TTYH3: variants seen among roughly 807,000 people sequenced by gnomAD.
TTYH3 encodes tweety family member 3.
Under a neutral mutation model 68.2 loss-of-function variants are expected in TTYH3, and 23 were observed. That is an observed-to-expected ratio of 0.34 (90% CI 0.24 to 0.48). The LOEUF (loss-of-function observed/expected upper bound fraction) is 0.48. TTYH3 is among the 20% of genes least tolerant of loss of function. The pLI is 0.99. For missense variants in TTYH3, 768 were observed against 727.7 expected (o/e 1.06, Z -0.64); for synonymous variants, 360 against 332.8 (o/e 1.08, Z -0.89).
chr7:2,635,470 A>G (rs1030994679), intron 1 of TTYH3, among the ~76,000 whole-genome samples: 3 of 152,158 alleles, frequency 2.0e-5, no homozygotes, highest in African/African-American at 7.2e-5. Context: ...CACTGACCTC[A>G]GCCTCTCTCT....
intron 7 of TTYH3, among the ~76,000 whole-genome samples, 195 bp downstream of exon 7, chr7:2,650,183 A>G (rs1786128241): frequency 6.6e-6 from 1 of 152,192 alleles, no homozygotes; most frequent in African/African-American, 2.4e-5. Flanking sequence ...AATGACAGGA[A>G]CTATGTGGGG....
intron 1 of TTYH3, among the ~76,000 whole-genome samples, chr7:2,643,897 C>G (rs1358457086): frequency 2.0e-5 from 3 of 152,292 alleles, no homozygotes; most frequent in East Asian, 3.9e-4. Context: ...AGTTTCCCTG[C>G]GAGGCTGTGA....
chr7:2,634,198 C>T (rs1785598356), intron 1 of TTYH3, among the ~76,000 whole-genome samples: 1 of 152,240 alleles, frequency 6.6e-6, no homozygotes, highest in Admixed American at 6.5e-5. Context: ...GGGGCTGTGG[C>T]GTGAGCTGGT....
chr7:2,642,307 C>T (rs35983550), intron 1 of TTYH3, among the ~76,000 whole-genome samples: 33,720 of 151,670 alleles, frequency 0.22, 3,867 homozygotes, highest in African/African-American at 0.26. Context: ...TTTGGGGGAC[C>T]GAGATGGCAG....
At chr7:2,647,325 C>G in intron 3 of TTYH3, 72 bp downstream of exon 3, 1 of 1,512,592 alleles carries the variant, frequency 6.6e-7, no homozygotes, top group Non-Finnish European at 8.8e-7. Context: ...CGAGGACGGG[C>G]GGGGCAGCCG....
intron 1 of TTYH3, chr7:2,646,019 C>CTTT: frequency 2.0e-5 from 6 of 293,940 alleles, no homozygotes; most frequent in Middle Eastern, 1.3e-3. Context: ...AGCAGCAGCA[C>CTTT]TTTTTTTTTT....
At chr7:2,660,639 C>A (rs879512648) in intron 13 of TTYH3, 2 of 864,824 alleles carry the variant, frequency 2.3e-6, no homozygotes, top group African/African-American at 3.7e-5. Context: ...CTCCTCCCCC[C>A]ACCCCCTCCG....
At chr7:2,658,624 G>T (rs898658906) in intron 12 of TTYH3, among the ~76,000 whole-genome samples, 165 bp downstream of exon 12, 5 of 152,224 alleles carry the variant, frequency 3.3e-5, no homozygotes, top group African/African-American at 1.2e-4. Context: ...CACGGTCCAG[G>T]GGCCATGGAG....
At chr7:2,648,149 A>G in intron 5 of TTYH3, 95 bp downstream of exon 5, 1 of 1,219,926 alleles carries the variant, frequency 8.2e-7, no homozygotes, top group South Asian at 1.4e-5. Context: ...TGCAGATCCT[A>G]GCCACAAGCT....
At chr7:2,639,927 C>T (rs1276105025) in intron 1 of TTYH3, among the ~76,000 whole-genome samples, 1 of 152,194 alleles carries the variant, frequency 6.6e-6, no homozygotes, top group Non-Finnish European at 1.5e-5. Flanking sequence ...CCCGTGGCTG[C>T]ACCCCTGGGG....
intron 1 of TTYH3, among the ~76,000 whole-genome samples, chr7:2,644,017 G>A (rs1463865808): frequency 6.6e-6 from 1 of 152,200 alleles, no homozygotes; most frequent in African/African-American, 2.4e-5. Context: ...GGAGGCCTCT[G>A]CAAGTGGAGA....
intron 1 of TTYH3, among the ~76,000 whole-genome samples, chr7:2,641,419 G>A (rs1264616716): frequency 6.6e-6 from 1 of 151,252 alleles, no homozygotes; most frequent in Non-Finnish European, 1.5e-5. Flanking sequence ...GCCCAGGGCC[G>A]AGACCAGGAG....
In TTYH3 at chr7:2,652,312, C is replaced by T. The variant is rs1330392520; in HGVS notation, c.927+70C>T. The T allele has an allele frequency of 1.6e-5, 22 of 1,417,204 alleles. No individual in the cohort carries two copies. In the Admixed American group the frequency reaches 3.9e-4, roughly 25 times the overall value. 87.8% of individuals were successfully genotyped at this position (1,417,204 alleles called of 1,614,324 possible). A position where few individuals can be genotyped will look rare whatever the true frequency, so the allele number is the denominator to read the frequency against. Reference sequence around the variant, plus strand: ...GCACATTGCTGTGTGTGGAGGGGCCCAGCAGGCCTGGCGCCTGGCTCCTCA... The same window carrying T: ...GCACATTGCTGTGTGTGGAGGGGCCTAGCAGGCCTGGCGCCTGGCTCCTCA... On this transcript the variant is annotated intron_variant, in intron 8 of 13. Transcript: ENST00000258796.
In TTYH3 at chr7:2,632,218, C is replaced by T. The variant is rs762933479; in HGVS notation, c.63C>T (p.Phe21=). ...GCCTCCTGCACCGGCTGCCCCACTT[C>T]GACCTGAGCTGGGAGGCCACTAGCA... ...WVSLLHRLPH[F]DLSWEATSSQ... Residue 21 remains phenylalanine, a synonymous_variant, in exon 1 of 14, where the codon TTC becomes TTT. Transcript: ENST00000258796. The T allele has an allele frequency of 1.3e-6, 2 of 1,577,960 alleles. No homozygotes were observed. Among genetic ancestry groups the T allele is most frequent in the East Asian group, 2.3e-5 (1 of 42,768 alleles).
rs1562716214 is a variant in TTYH3 at position 2,652,384 on chromosome 7, G to T, written c.927+142G>T. On this transcript the variant is annotated intron_variant, in intron 8 of 13. Transcript: ENST00000258796. The stretch of plus-strand genomic sequence containing the variant: ...GGGGAGGGAGCTGGACAAAGGCTGT[G>T]TGGATGTCACCAACAGCCCCTGGGG... The T allele has an allele frequency of 5.3e-6, 4 of 761,380 alleles. No individual in the cohort carries two copies. In the East Asian group the frequency reaches 8.1e-5, roughly 15 times the overall value. The allele number at this position is 761,380 out of a possible 1,614,324, so 47.2% of individuals were successfully genotyped here.
At chr7:2,646,110 G>C (rs1199083800) in intron 1 of TTYH3, among the ~76,000 whole-genome samples, 1 of 152,086 alleles carries the variant, frequency 6.6e-6, no homozygotes, top group Non-Finnish European at 1.5e-5. Flanking sequence ...CGCCACCCGG[G>C]TTCAAGTGAT....
intron 1 of TTYH3, among the ~76,000 whole-genome samples, chr7:2,639,564 G>C (rs1167930182): frequency 6.6e-6 from 1 of 152,238 alleles, no homozygotes; most frequent in African/African-American, 2.4e-5. Flanking sequence ...AGCGCAAGCT[G>C]CTGCTAAGAT....
intron 1 of TTYH3, among the ~76,000 whole-genome samples, chr7:2,638,293 G>A (rs760651540): frequency 4.6e-5 from 7 of 152,142 alleles, no homozygotes; most frequent in Non-Finnish European, 8.8e-5. Flanking sequence ...GAGATGTGTC[G>A]GAGCACGGGG....
chr7:2,650,942 G>A (rs907949586), intron 7 of TTYH3, among the ~76,000 whole-genome samples: 7 of 151,868 alleles, frequency 4.6e-5, no homozygotes, highest in Admixed American at 3.9e-4. Context: ...CGAGAGGGAC[G>A]GAGCAGGAGT....
Sources: gnomAD v4.1 joint callset for allele counts (sites outside exome capture counted in the v4.1 genomes callset) on GRCh38, gnomAD v4.1.1 for gene constraint, MANE v1.5 for transcripts, NCBI Gene and HGNC (gene_info 2026-07-23, HGNC 2026-07-21) for gene names.